The following TSPAN12 variants were observed in gnomAD, a reference collection of about 807,000 sequenced individuals.
TSPAN12 encodes the protein tetraspanin-12.
Under a neutral mutation model 39.2 loss-of-function variants are expected in TSPAN12, and 19 were observed. The observed-to-expected ratio is 0.49, with a 90% CI of 0.34 to 0.71. The LOEUF (loss-of-function observed/expected upper bound fraction) is 0.71. TSPAN12 is among the 30% of genes least tolerant of loss of function. The pLI is 0.01. For synonymous variants in TSPAN12, 119 were observed against 124.8 expected (o/e 0.95, Z 0.31); for missense variants, 314 against 359.9 (o/e 0.87, Z 1.03).
At chr7:120,811,440 G>A (rs1174927800) in intron 5 of TSPAN12, among the ~76,000 whole-genome samples, 3 of 152,006 alleles carry the variant, frequency 2.0e-5, no homozygotes, top group Admixed American at 6.6e-5. Context: ...AGGCCAAGAC[G>A]GGCGGATCAC....
intron 7 of TSPAN12, among the ~76,000 whole-genome samples, chr7:120,804,619 A>C (rs1793833998): frequency 6.6e-6 from 1 of 152,184 alleles, no homozygotes; most frequent in Admixed American, 6.5e-5. Context: ...TAAAATAAAA[A>C]GCCTGAATTA....
intron 1 of TSPAN12, among the ~76,000 whole-genome samples, chr7:120,857,581 C>T (rs1000003142): frequency 1.4e-4 from 22 of 152,078 alleles, no homozygotes; most frequent in Non-Finnish European, 2.8e-4. Context: ...AACCCCGCTT[C>T]CCCCGCCCGG....
At chr7:120,848,165 C>T (rs1284584682) in intron 2 of TSPAN12, among the ~76,000 whole-genome samples, 2 of 152,180 alleles carry the variant, frequency 1.3e-5, no homozygotes, top group African/African-American at 4.8e-5. Flanking sequence ...CCTTCAAGCC[C>T]AGCTTGAACA....
intron 2 of TSPAN12, among the ~76,000 whole-genome samples, chr7:120,841,742 TGG>T (rs1481869991): frequency 6.6e-6 from 1 of 152,222 alleles, no homozygotes; most frequent in Non-Finnish European, 1.5e-5. Context: ...TAATGATGAC[TGG>T]GATATGGTTT....
chr7:120,801,723 A>G (rs1043041153), intron 7 of TSPAN12, among the ~76,000 whole-genome samples: 22 of 152,130 alleles, frequency 1.4e-4, no homozygotes, highest in Non-Finnish European at 1.0e-4. Context: ...TTCTTGAGGT[A>G]GCACACAGAG....
At chr7:120,793,689 T>G (rs890342475) in intron 7 of TSPAN12, among the ~76,000 whole-genome samples, 6 of 152,218 alleles carry the variant, frequency 3.9e-5, no homozygotes, top group African/African-American at 1.4e-4. Context: ...ATGAAATCAG[T>G]TGACATCTCA....
intron 2 of TSPAN12, among the ~76,000 whole-genome samples, chr7:120,841,331 C>T (rs1255447543): frequency 6.6e-6 from 1 of 151,966 alleles, no homozygotes; most frequent in African/African-American, 2.4e-5. Flanking sequence ...ATGTTAAATG[C>T]CACCACGGGA....
chr7:120,836,333 G>C (rs895282088), intron 4 of TSPAN12, among the ~76,000 whole-genome samples: 3 of 152,150 alleles, frequency 2.0e-5, no homozygotes, highest in African/African-American at 7.2e-5. Flanking sequence ...AGCCTGCCAT[G>C]AGAGGAGAGG....
Position 120,825,986 on chromosome 7 carries a change from T to C in TSPAN12, c.286-10183A>G, listed in dbSNP as rs116641334. ...AACTATAGACCAATGGTTAAAGAAATAGTCTTGTCTTAGAGACCGTCCCAA... is the reference window on the plus strand; with the variant it reads ...AACTATAGACCAATGGTTAAAGAAACAGTCTTGTCTTAGAGACCGTCCCAA... On this transcript the variant is annotated intron_variant, in intron 4 of 7. Coordinates refer to ENST00000222747, the MANE Select transcript of TSPAN12 (RefSeq NM_012338.4). Among the ~76,000 whole-genome samples, 472 of 152,292 alleles carry C rather than the reference T, an allele frequency of 3.1e-3. 3 individuals carry two copies. Among genetic ancestry groups the C allele is most frequent in the African/African-American group, 0.011 (455 of 41,564 alleles).
intron 2 of TSPAN12, among the ~76,000 whole-genome samples, chr7:120,840,716 A>C (rs1338612869): frequency 2.0e-5 from 3 of 152,232 alleles, no homozygotes; most frequent in African/African-American, 4.8e-5. Context: ...CATTATTCAG[A>C]AAACTGACAA....
chr7:120,843,472 C>G (rs1334032225), intron 2 of TSPAN12, among the ~76,000 whole-genome samples: 1 of 152,214 alleles, frequency 6.6e-6, no homozygotes, highest in Non-Finnish European at 1.5e-5. Context: ...GGCTCTCCCA[C>G]TTAGGGGCCA....
At chr7:120,840,139 C>A in intron 2 of TSPAN12, 30 bp from the exon 3 acceptor site, 1 of 1,510,422 alleles carries the variant, frequency 6.6e-7, no homozygotes, top group South Asian at 1.1e-5. Context: ...AACCGGTTAC[C>A]AAAGATTTAC....
rs754789159 is a variant in TSPAN12 at position 120,856,736 on chromosome 7, G to C, written c.28C>G (p.Leu10Val). 5 of 1,614,098 alleles carry C rather than the reference G, an allele frequency of 3.1e-6. No homozygotes were observed. The highest frequency in any genetic ancestry group is 3.3e-5 in the Admixed American group (2 of 60,012). MAREDSVKCLRCLLYALNLL... is the reference protein window; with the variant it reads MAREDSVKCVRCLLYALNLL... ...TTGAGGGCGTAGAGCAGGCAGCGCAGACACTTCACGGAATCTTCTCTGGCC... is the reference window on the plus strand; with the variant it reads ...TTGAGGGCGTAGAGCAGGCAGCGCACACACTTCACGGAATCTTCTCTGGCC... The change falls in exon 2 of 8, where the codon CTG becomes GTG. Residue 10 changes from leucine to valine, a missense_variant. Physicochemically the swap from Leu to Val is conservative, Grantham distance 32 (BLOSUM62 1). Coordinates refer to ENST00000222747, the MANE Select transcript of TSPAN12 (RefSeq NM_012338.4).
At position 120,801,727 on chromosome 7, in the gene TSPAN12, C is replaced by T. The variant is rs147295894; in HGVS notation, c.612+4822G>A. ...TCCATTTATTTTTCTTGAGGTAGCACACAGAGGAGTAAAATGGCATTTCAG... is the reference window on the plus strand; with the variant it reads ...TCCATTTATTTTTCTTGAGGTAGCATACAGAGGAGTAAAATGGCATTTCAG... On this transcript the variant is annotated intron_variant, in intron 7 of 7. Transcript: ENST00000222747. Among the ~76,000 whole-genome samples the T allele has an allele frequency of 1.6e-3, 241 of 152,236 alleles. 1 individual carries two copies. Among genetic ancestry groups the T allele is most frequent in the African/African-American group, 5.4e-3 (226 of 41,530 alleles).
At chr7:120,810,977 C>A (rs1240824716) in intron 5 of TSPAN12, among the ~76,000 whole-genome samples, 3 of 152,166 alleles carry the variant, frequency 2.0e-5, no homozygotes, top group Non-Finnish European at 4.4e-5. Context: ...TTTGAAGCAA[C>A]TGCAGATAAT....
At chr7:120,811,817 C>T (rs948183488) in intron 5 of TSPAN12, among the ~76,000 whole-genome samples, 2 of 152,084 alleles carry the variant, frequency 1.3e-5, no homozygotes, top group African/African-American at 4.8e-5. Flanking sequence ...AACTAAGCAT[C>T]GTATTTTCTC....
chr7:120,815,886 T>C lies in TSPAN12; in HGVS notation c.286-83A>G, dbSNP rs1047031248. The C allele has an allele frequency of 3.9e-6, 5 of 1,273,842 alleles. No homozygotes were observed. In the African/African-American group the frequency reaches 5.9e-5, roughly 15 times the overall value. The allele number at this position is 1,273,842 out of a possible 1,614,324, so 78.9% of individuals were successfully genotyped here. A position where few individuals can be genotyped will look rare whatever the true frequency, so the allele number is the denominator to read the frequency against. On this transcript the variant is annotated intron_variant, in intron 4 of 7. Transcript: ENST00000222747. Reference sequence around the variant, plus strand: ...AGACAGACTTGGTATTATGTTTACCTAGTGACCAAGAAAACAGAGGCAAGT... The same window carrying C: ...AGACAGACTTGGTATTATGTTTACCCAGTGACCAAGAAAACAGAGGCAAGT...
In TSPAN12 at chr7:120,788,758, T is replaced by C; in HGVS notation, c.752A>G (p.Asp251Gly). The change falls in exon 8 of 8, where the codon GAT (aspartate) becomes GGT (glycine). Residue 251 changes from aspartate (D) to glycine (G), a missense_variant. Asp to Gly is a moderately conservative substitution (Grantham distance 94, BLOSUM62 -1). Transcript: ENST00000222747. ...TTGGTCTGTCCCCGGCTCCCTTCTA[T>C]CATAATACAGAGCCCAGAGCAGAGT... ...TITLLWALYY[D>G]RREPGTDQMM... 13 of 1,614,162 alleles carry C rather than the reference T, an allele frequency of 8.1e-6. No individual in the cohort carries two copies. Among genetic ancestry groups the C allele is most frequent in the Non-Finnish European group, 1.1e-5 (13 of 1,180,014 alleles).
At chr7:120,808,096 G>T (rs1793910167) in intron 6 of TSPAN12, among the ~76,000 whole-genome samples, 1 of 152,064 alleles carries the variant, frequency 6.6e-6, no homozygotes, top group South Asian at 2.1e-4. Context: ...AAATCCATTT[G>T]TCTCCTTTGC....
Sources: allele counts gnomAD v4.1 joint callset (sites outside exome capture counted in the v4.1 genomes callset), GRCh38; gene constraint gnomAD v4.1.1; transcripts MANE v1.5; gene names NCBI Gene and HGNC (gene_info 2026-07-23, HGNC 2026-07-21).